The following TNRC6B variants were observed in gnomAD, a reference collection of about 807,000 sequenced individuals.
TNRC6B encodes trinucleotide repeat-containing gene 6B protein.
Under a neutral mutation model 203.6 loss-of-function variants are expected in TNRC6B, and 52 were observed. The ratio of observed to expected loss-of-function variants is 0.26; its 90% confidence interval spans 0.20 to 0.32. TNRC6B has a LOEUF of 0.32. TNRC6B is among the 10% of genes least tolerant of loss of function. The pLI is 1.00. For synonymous variants in TNRC6B, 838 were observed against 845.7 expected (o/e 0.99, Z 0.16); for missense variants, 1,923 against 2,286.2 (o/e 0.84, Z 3.24).
intron 1 of TNRC6B, among the ~76,000 whole-genome samples, chr22:40,186,428 T>C (rs1337349680): frequency 6.6e-6 from 1 of 151,756 alleles, no homozygotes; most frequent in African/African-American, 2.4e-5. Flanking sequence ...TATTTTAAAT[T>C]TTCCAGGAGT....
At chr22:40,184,631 A>G (rs2069177367) in intron 1 of TNRC6B, among the ~76,000 whole-genome samples, 1 of 152,242 alleles carries the variant, frequency 6.6e-6, no homozygotes, top group Non-Finnish European at 1.5e-5. Flanking sequence ...ATTGCACGTC[A>G]GACCAGATGA....
rs1314555771 is a variant in TNRC6B at position 40,331,672 on chromosome 22, A to C, written c.*8431A>C. The C allele has an allele frequency of 3.7e-5, 9 of 241,786 alleles. No individual in the cohort carries two copies. Among genetic ancestry groups the C allele is most frequent in the African/African-American group, 7.4e-5 (2 of 27,110 alleles). The allele number at this position is 241,786 out of a possible 1,614,324, so 15.0% of individuals were successfully genotyped here. ...TTTTTTTTTTTTTTTTTTTTTTTTC[A>C]AAAAAAAAAGTCCCACATGTGGTCA... On this transcript the variant is annotated 3_prime_UTR_variant, in exon 23 of 23. Coordinates refer to ENST00000454349, the MANE Select transcript of TNRC6B (RefSeq NM_001162501.2).
chr22:40,103,934 C>A (rs182266790), intron 1 of TNRC6B, among the ~76,000 whole-genome samples: 7 of 150,786 alleles, frequency 4.6e-5, no homozygotes, highest in African/African-American at 9.7e-5. Flanking sequence ...TGAGCCACCG[C>A]GCCCAGCCAA....
chr22:40,276,806 C>A, intron 7 of TNRC6B: 1 of 284,654 alleles, frequency 3.5e-6, no homozygotes, highest in Non-Finnish European at 6.4e-6. Context: ...TATCAGACTT[C>A]TTTCTATTTG....
At chr22:40,268,666 C>G (rs975189532) in intron 5 of TNRC6B, among the ~76,000 whole-genome samples, 1 of 151,960 alleles carries the variant, frequency 6.6e-6, no homozygotes, top group Non-Finnish European at 1.5e-5. Context: ...AATCCCAGCA[C>G]TTTGGGAGGC....
chr22:40,126,570 A>G (rs1486932797), intron 3 of TNRC6B, among the ~76,000 whole-genome samples: 2 of 142,184 alleles, frequency 1.4e-5, no homozygotes, highest in South Asian at 2.3e-4. Flanking sequence ...GCTACAAAGG[A>G]CGTTATTTAA....
intron 1 of TNRC6B, among the ~76,000 whole-genome samples, chr22:40,049,722 G>C (rs895174581): frequency 6.6e-6 from 1 of 152,078 alleles, no homozygotes; most frequent in African/African-American, 2.4e-5. Flanking sequence ...TCCTGCCTTA[G>C]CCTCCCAAGT....
intron 16 of TNRC6B, among the ~76,000 whole-genome samples, chr22:40,310,273 T>G (rs1271696567): frequency 6.6e-6 from 1 of 152,166 alleles, no homozygotes; most frequent in Non-Finnish European, 1.5e-5. Context: ...GGGAATTCCA[T>G]CTCATTGCGT....
chr22:40,203,957 T>C (rs2069446274), intron 1 of TNRC6B, among the ~76,000 whole-genome samples: 1 of 152,214 alleles, frequency 6.6e-6, no homozygotes, highest in Non-Finnish European at 1.5e-5. Context: ...CCTTCAGTTT[T>C]CCTTCTCTCC....
intron 2 of TNRC6B, among the ~76,000 whole-genome samples, chr22:40,246,731 A>G (rs1220438340): frequency 6.6e-6 from 1 of 152,168 alleles, no homozygotes; most frequent in Non-Finnish European, 1.5e-5. Flanking sequence ...TTCTTAAGCA[A>G]GCCTATAGAA....
Position 40,329,444 on chromosome 22 carries a change from T to C in TNRC6B, c.*6203T>C, listed in dbSNP as rs1422270333. The C allele has an allele frequency of 1.3e-5, 2 of 151,992 alleles. No homozygotes were observed. The highest frequency in any genetic ancestry group is 2.9e-5 in the Non-Finnish European group (2 of 68,000). 9.4% of individuals were successfully genotyped at this position (151,992 alleles called of 1,614,324 possible). A position where few individuals can be genotyped will look rare whatever the true frequency, so the allele number is the denominator to read the frequency against. On this transcript the variant is annotated 3_prime_UTR_variant, in exon 23 of 23. Coordinates refer to ENST00000454349, the MANE Select transcript of TNRC6B (RefSeq NM_001162501.2). ...TGTCAGTGATAGTGTTTTTTTTTTC[T>C]TAAGTTTGACAAAGGGGGTGGTAAT...
At chr22:40,222,591 T>G (rs1323545185) in intron 1 of TNRC6B, among the ~76,000 whole-genome samples, 1 of 152,194 alleles carries the variant, frequency 6.6e-6, no homozygotes, top group Non-Finnish European at 1.5e-5. Context: ...TACAGTGGAT[T>G]ATCTTCTTTT....
intron 1 of TNRC6B, among the ~76,000 whole-genome samples, chr22:40,061,317 C>T (rs538093097): frequency 1.4e-3 from 206 of 152,086 alleles, no homozygotes; most frequent in South Asian, 2.9e-3. Flanking sequence ...CAGGTTCAAG[C>T]GATTCTCCAG....
Position 40,265,215 on chromosome 22 carries a change from A to G in TNRC6B, c.985A>G (p.Asn329Asp). 1 of 1,614,078 alleles carries G rather than the reference A, an allele frequency of 6.2e-7. No homozygotes were observed. The highest frequency in any genetic ancestry group is 8.5e-7 in the Non-Finnish European group (1 of 1,179,904). The stretch of plus-strand genomic sequence containing the variant: ...TAGGAAAGGGGCATTGGAAACAGAT[A>G]ATAGTAATTCCAGTGCACAGGTTAG... ...TSRKGALETD[N>D]SNSSAQVSTV... is the part of the protein sequence containing the mutation. Residue 329 changes from asparagine to aspartate, a missense_variant, in exon 5 of 23, where the codon AAT becomes GAT. Physicochemically the swap from Asn to Asp is conservative, Grantham distance 23 (BLOSUM62 1). Transcript: ENST00000454349.
Position 40,312,656 on chromosome 22 carries a change from T to A in TNRC6B, c.4582+5T>A, listed in dbSNP as rs2071200683. On this transcript the variant is annotated splice_donor_5th_base_variant and intron_variant, in intron 18 of 22. Transcript: ENST00000454349. ...TGCTGCGGGATAACACCACAGGTACTTGAGCAAAGCATCTCTTATATGTTC... is the reference window on the plus strand; with the variant it reads ...TGCTGCGGGATAACACCACAGGTACATGAGCAAAGCATCTCTTATATGTTC... 6.2e-7 allele frequency: 1 copy of A among 1,607,866 alleles called. No homozygotes were observed. The highest frequency in any genetic ancestry group is 8.5e-7 in the Non-Finnish European group (1 of 1,177,760).
intron 3 of TNRC6B, among the ~76,000 whole-genome samples, chr22:40,129,349 G>C (rs574031140): frequency 2.0e-5 from 3 of 152,326 alleles, no homozygotes; most frequent in Non-Finnish European, 4.4e-5. Flanking sequence ...TCTGTCTGCT[G>C]TCTGGACAGT....
intron 9 of TNRC6B, among the ~76,000 whole-genome samples, 187 bp from the exon 10 acceptor site, chr22:40,279,808 A>T (rs776528127): frequency 2.3e-4 from 35 of 152,190 alleles, no homozygotes; most frequent in Non-Finnish European, 3.5e-4. Context: ...AAAAGGACCC[A>T]TGTGTGTTCC....
chr22:40,269,977 C>T, intron 5 of TNRC6B, 145 bp from the exon 6 acceptor site: 1 of 749,400 alleles, frequency 1.3e-6, no homozygotes, highest in South Asian at 2.1e-5. Flanking sequence ...GTAGCATTGC[C>T]AAATACCCCT....
chr22:40,287,299 G>A (rs969382557), intron 12 of TNRC6B, among the ~76,000 whole-genome samples: 7 of 152,284 alleles, frequency 4.6e-5, no homozygotes, highest in South Asian at 2.1e-4. Context: ...ATGAACCACC[G>A]TGCCCAGCCT....
Sources: gnomAD v4.1 joint callset for allele counts (sites outside exome capture counted in the v4.1 genomes callset) on GRCh38, gnomAD v4.1.1 for gene constraint, MANE v1.5 for transcripts, NCBI Gene and HGNC (gene_info 2026-07-23, HGNC 2026-07-21) for gene names.